The following SLC2A7 variants were observed in gnomAD, a reference collection of about 807,000 sequenced individuals.
SLC2A7 encodes solute carrier family 2 member 7, also known as solute carrier family 2, facilitated glucose transporter member 7.
Under a neutral mutation model 50.5 loss-of-function variants are expected in SLC2A7, and 50 were observed. The ratio of observed to expected loss-of-function variants is 0.99; its 90% CI spans 0.79 to 1.25. The LOEUF (loss-of-function observed/expected upper bound fraction) is 1.25. Among genes scored for constraint, SLC2A7 ranks in the 50% most tolerant of loss-of-function variants. The pLI, the probability that SLC2A7 is intolerant of heterozygous loss-of-function variation, is 0.00. For synonymous variants in SLC2A7, 308 were observed against 300.4 expected (o/e 1.03, Z -0.26); for missense variants, 683 against 679.1 (o/e 1.01, Z -0.06).
At position 9,004,752 on chromosome 1, in the gene SLC2A7, C is replaced by T. The variant is rs754787458; in HGVS notation, c.1320G>A (p.Gln440=). 6.2e-7 allele frequency: 1 copy of T among 1,614,002 alleles called. No individual in the cohort carries two copies. Among genetic ancestry groups the T allele is most frequent in the Non-Finnish European group, 8.5e-7 (1 of 1,179,902 alleles). The change falls in exon 11 of 12, where the codon CAG becomes CAA. Residue 440 remains glutamine, a splice_region_variant and synonymous_variant. Coordinates refer to ENST00000400906, the MANE Select transcript of SLC2A7 (RefSeq NM_207420.3). ...GGTTGGGGAAGGGGCCCTCACTCACCTGGATGGATGGGAACAGGAAGCCTA... is the reference window on the plus strand; with the variant it reads ...GGTTGGGGAAGGGGCCCTCACTCACTTGGATGGATGGGAACAGGAAGCCTA... ...FIIGFLFPSI[Q]EAIGAYSFII...
chr1:9,018,880 G>C (rs560233158), intron 4 of SLC2A7, among the ~76,000 whole-genome samples: 1 of 152,104 alleles, frequency 6.6e-6, no homozygotes, highest in Admixed American at 6.5e-5. Flanking sequence ...AAAGGGAAGG[G>C]GCTAGTAAGC....
intron 5 of SLC2A7, 75 bp from the exon 6 acceptor site, chr1:9,015,317 C>T (rs561410015): frequency 1.4e-6 from 2 of 1,466,872 alleles, no homozygotes; most frequent in Admixed American, 2.5e-5. Flanking sequence ...CTCGGAAGGT[C>T]ACGCTCCTAT....
chr1:9,013,641 C>T lies in SLC2A7; in HGVS notation c.904-6G>A, dbSNP rs1305038676. 1 of 1,612,142 alleles carries T rather than the reference C, an allele frequency of 6.2e-7. No individual in the cohort carries two copies. ...GTGTCCGCATAGTAGTTGATCTAAACAAAAACACAGGGCTGTCAGGACAGG... is the reference window on the plus strand; with the variant it reads ...GTGTCCGCATAGTAGTTGATCTAAATAAAAACACAGGGCTGTCAGGACAGG... On this transcript the variant is annotated splice_polypyrimidine_tract_variant and splice_region_variant and intron_variant, in intron 7 of 11. Transcript: ENST00000400906.
rs1322736840 is a variant in SLC2A7, at chr1:9,003,285, C to T, written c.*15G>A. ...GAAGCCTTGAATATGGGCTCCCGTC[C>T]TTCATGCAGGGCCACTAAAAGGAAG... On this transcript the variant is annotated 3_prime_UTR_variant, in exon 12 of 12. Transcript: ENST00000400906. 8 of 1,613,352 alleles carry T rather than the reference C, an allele frequency of 5.0e-6. No individual in the cohort carries two copies. The highest frequency in any genetic ancestry group is 6.8e-6 in the Non-Finnish European group (8 of 1,179,596).
chr1:9,004,282 G>C (rs1640619001), intron 11 of SLC2A7, among the ~76,000 whole-genome samples: 1 of 145,728 alleles, frequency 6.9e-6, no homozygotes, highest in South Asian at 2.2e-4. Flanking sequence ...GCTATGAGCT[G>C]TGGTTGCACC....
rs561608603 is a variant in SLC2A7 at position 9,017,568 on chromosome 1, C to T, written c.589+655G>A. ...CCAATGCTATTTCTACTCGGCTGTC[C>T]GTACTCTGTTGAGCCTGGACTAAAA... On this transcript the variant is annotated intron_variant, in intron 5 of 11. Coordinates refer to ENST00000400906, the MANE Select transcript of SLC2A7 (RefSeq NM_207420.3). 3.3e-5 allele frequency among the ~76,000 whole-genome samples: 5 copies of T among 152,344 alleles called. No homozygotes were observed. The South Asian group carries it at 6.2e-4, about 19-fold the overall frequency.
At chr1:9,023,284 C>T (rs992154205) in intron 2 of SLC2A7, among the ~76,000 whole-genome samples, 4 of 152,144 alleles carry the variant, frequency 2.6e-5, no homozygotes, top group Admixed American at 1.3e-4. Flanking sequence ...CTAGGCTGAA[C>T]AAAAAGATTG....
chr1:9,005,180 G>GTGCTC (rs1236153045), intron 10 of SLC2A7, among the ~76,000 whole-genome samples: 9 of 152,220 alleles, frequency 5.9e-5, no homozygotes, highest in African/African-American at 2.2e-4. Context: ...AAGCTTCGTG[G>GTGCTC]GAGCAGCAGG....
Position 9,022,950 on chromosome 1 carries a change from C to G in SLC2A7, c.279G>C (p.Leu93Phe), listed in dbSNP as rs1473827603. Residue 93 changes from leucine (L) to phenylalanine (F), a missense_variant, in exon 3 of 12, where the codon TTG (leucine) becomes TTC (phenylalanine). Leu to Phe is a conservative substitution (Grantham distance 22, BLOSUM62 0). Transcript: ENST00000400906. ...MFPLGGLLGS[L>F]LVGLLVDSCG... ...AGCTATCAACCAGCAGGCCCACGAG[C>G]AATGACCCCAACAGGCCGCCCAGAG... The G allele has an allele frequency of 1.2e-6, 2 of 1,614,122 alleles. No individual in the cohort carries two copies. Among genetic ancestry groups the G allele is most frequent in the Non-Finnish European group, 1.7e-6 (2 of 1,180,012 alleles).
At chr1:9,018,412 C>A (rs757375548) in intron 4 of SLC2A7, 37 bp from the exon 5 acceptor site, 1 of 1,611,266 alleles carries the variant, frequency 6.2e-7, no homozygotes, top group Non-Finnish European at 8.5e-7. Context: ...GCAGGCAAAC[C>A]GCAAACGCAG....
intron 9 of SLC2A7, among the ~76,000 whole-genome samples, chr1:9,009,741 A>G (rs150352819): frequency 1.0e-3 from 152 of 152,332 alleles, no homozygotes; most frequent in African/African-American, 3.5e-3. Context: ...TGCAGGAGTG[A>G]GCCACTGTGC....
downstream of SLC2A7, among the ~76,000 whole-genome samples, chr1:9,000,701 C>T (rs989322979): frequency 6.6e-6 from 1 of 151,448 alleles, no homozygotes. Flanking sequence ...TATTGTGGGC[C>T]GGAGTGACTG....
At chr1:8,994,306 G>C in the SLC2A7 span, among the ~76,000 whole-genome samples, 3 of 152,150 alleles carry the variant, frequency 2.0e-5, no homozygotes, top group Non-Finnish European at 2.9e-5. Flanking sequence ...GGAGCACCTG[G>C]GCTTAGGAAG....
chr1:9,018,139 C>T, intron 5 of SLC2A7, 84 bp downstream of exon 5: 2 of 1,566,322 alleles, frequency 1.3e-6, no homozygotes, highest in South Asian at 1.2e-5. Flanking sequence ...TCTCTCGGGT[C>T]TCATCTGACT....
At chr1:9,013,387 G>A (rs1640778495) in intron 8 of SLC2A7, 138 bp downstream of exon 8, 5 of 622,502 alleles carry the variant, frequency 8.0e-6, no homozygotes, top group Non-Finnish European at 1.4e-5. Context: ...TAGTATGTGT[G>A]CATCCTAAAG....
intron 9 of SLC2A7, among the ~76,000 whole-genome samples, chr1:9,009,883 A>C (rs1407927695): frequency 3.9e-5 from 6 of 152,250 alleles, no homozygotes; most frequent in Non-Finnish European, 7.3e-5. Flanking sequence ...ATTTTATTGC[A>C]AACTGTCCTC....
chr1:8,992,766 T>C, the SLC2A7 span, among the ~76,000 whole-genome samples: 2 of 152,222 alleles, frequency 1.3e-5, no homozygotes, highest in South Asian at 4.1e-4. Flanking sequence ...AGTGTGGTCA[T>C]CCTGTCTCGG....
At chr1:9,022,128 T>C (rs1640921382) in intron 3 of SLC2A7, among the ~76,000 whole-genome samples, 1 of 152,250 alleles carries the variant, frequency 6.6e-6, no homozygotes, top group Non-Finnish European at 1.5e-5. Flanking sequence ...TTTTTTTCTA[T>C]GCCTGAAAAT....
At chr1:8,997,969 A>G in the SLC2A7 span, among the ~76,000 whole-genome samples, 96,106 of 152,048 alleles carry the variant, frequency 0.63, 32,066 homozygotes, top group East Asian at 0.84. Flanking sequence ...TTTAATTTGG[A>G]TCTCTGCTCC....
Sources: gnomAD v4.1 joint callset for allele counts (sites outside exome capture counted in the v4.1 genomes callset) on GRCh38, gnomAD v4.1.1 for gene constraint, MANE v1.5 for transcripts, NCBI Gene and HGNC (gene_info 2026-07-23, HGNC 2026-07-21) for gene names.